Variants in SMOC2 observed in about 807,000 individuals in gnomAD.
The protein encoded by SMOC2 is SPARC-related modular calcium-binding protein 2.
A neutral mutation model predicts 61.4 loss-of-function variants in SMOC2; 39 were observed. That is an observed-to-expected ratio of 0.64 (90% CI 0.49 to 0.83). SMOC2 has a LOEUF of 0.83. Among genes scored for constraint, SMOC2 ranks in the 40% least tolerant of loss-of-function variants. The pLI, the probability that SMOC2 is intolerant of heterozygous loss-of-function variation, is 0.00. For missense variants in SMOC2, 556 were observed against 592.9 expected (o/e 0.94, Z 0.65); for synonymous variants, 247 against 239.9 (o/e 1.03, Z -0.27).
intron 9 of SMOC2, among the ~76,000 whole-genome samples, chr6:168,644,881 C>T (rs1347053379): frequency 6.6e-6 from 1 of 151,946 alleles, no homozygotes; most frequent in Non-Finnish European, 1.5e-5. Context: ...AACTCCTGAC[C>T]TCAAGTGATC....
chr6:168,630,882 C>T (rs1181928410), intron 9 of SMOC2, among the ~76,000 whole-genome samples: 1 of 152,148 alleles, frequency 6.6e-6, no homozygotes, highest in African/African-American at 2.4e-5. Context: ...AAATTCCCAC[C>T]TAATAAATTT....
At chr6:168,613,063 G>C (rs976727482) in intron 9 of SMOC2, among the ~76,000 whole-genome samples, 1 of 152,188 alleles carries the variant, frequency 6.6e-6, no homozygotes, top group Non-Finnish European at 1.5e-5. Context: ...GTATTCGAAT[G>C]AGCAGACTGG....
intron 9 of SMOC2, among the ~76,000 whole-genome samples, chr6:168,639,284 G>A (rs909338762): frequency 7.2e-5 from 11 of 152,154 alleles, no homozygotes; most frequent in East Asian, 5.8e-4. Flanking sequence ...TGTAGGACCC[G>A]ACCTTCTGTT....
chr6:168,659,617 G>T (rs1401797827), intron 11 of SMOC2, among the ~76,000 whole-genome samples: 7 of 118,364 alleles, frequency 5.9e-5, no homozygotes, highest in Non-Finnish European at 7.2e-5. Context: ...GAGGTTGTAG[G>T]CTGAGTGAGG....
intron 1 of SMOC2, among the ~76,000 whole-genome samples, chr6:168,461,764 C>T (rs1298512149): frequency 3.9e-5 from 6 of 152,212 alleles, no homozygotes; most frequent in Non-Finnish European, 7.3e-5. Context: ...GATGAGGCAG[C>T]CGTGCTAGAA....
intron 1 of SMOC2, among the ~76,000 whole-genome samples, chr6:168,462,515 G>C (rs1462575133): frequency 6.6e-6 from 1 of 151,948 alleles, no homozygotes; most frequent in Non-Finnish European, 1.5e-5. Context: ...GTGGTCCCCT[G>C]TCCTCCCAGC....
chr6:168,579,136 C>T (rs982840082), intron 7 of SMOC2, among the ~76,000 whole-genome samples: 5 of 152,234 alleles, frequency 3.3e-5, no homozygotes, highest in African/African-American at 1.2e-4. Flanking sequence ...AACCGGGTGG[C>T]CCTTATCCCC....
intron 4 of SMOC2, among the ~76,000 whole-genome samples, chr6:168,542,521 C>G (rs972197093): frequency 6.6e-6 from 1 of 152,134 alleles, no homozygotes; most frequent in African/African-American, 2.4e-5. Flanking sequence ...CGTGTAAATC[C>G]TCATTCAGCT....
intron 8 of SMOC2, among the ~76,000 whole-genome samples, chr6:168,603,090 C>T (rs1723250461): frequency 6.6e-6 from 1 of 151,098 alleles, no homozygotes; most frequent in African/African-American, 2.4e-5. Context: ...TCATGAGATC[C>T]GATGGTTTTA....
At chr6:168,472,952 G>C (rs984381243) in intron 1 of SMOC2, among the ~76,000 whole-genome samples, 1 of 152,004 alleles carries the variant, frequency 6.6e-6, no homozygotes, top group Non-Finnish European at 1.5e-5. Context: ...TGATGGATGC[G>C]TCTGTGATGC....
At chr6:168,596,508 C>T (rs1337688025) in intron 7 of SMOC2, among the ~76,000 whole-genome samples, 1 of 151,936 alleles carries the variant, frequency 6.6e-6, no homozygotes. Context: ...GAGGAATGAA[C>T]AGGTGCCATG....
intron 11 of SMOC2, 43 bp downstream of exon 11, chr6:168,653,271 C>A: frequency 6.4e-7 from 1 of 1,562,940 alleles, no homozygotes; most frequent in South Asian, 1.2e-5. Context: ...TGGTCAGGCC[C>A]TGAGGCCTGG....
chr6:168,559,095 G>A (rs888162106), intron 7 of SMOC2, among the ~76,000 whole-genome samples: 1 of 152,220 alleles, frequency 6.6e-6, no homozygotes, highest in Non-Finnish European at 1.5e-5. Flanking sequence ...TTGTGTCGTC[G>A]TGATTACAGA....
At chr6:168,534,055 G>C (rs1360851028) in intron 4 of SMOC2, among the ~76,000 whole-genome samples, 2 of 152,116 alleles carry the variant, frequency 1.3e-5, no homozygotes, top group Non-Finnish European at 2.9e-5. Flanking sequence ...AGACTGGCCT[G>C]TGCAACAAAA....
In SMOC2 at chr6:168,666,541, T is replaced by A; in HGVS notation, c.*103T>A. On this transcript the variant is annotated 3_prime_UTR_variant, in exon 13 of 13. Transcript: ENST00000356284. ...AGAAACACATAGTATTTGCACTTTG[T>A]ACTTTAAATGTAAATTCACTTTGTA... is the stretch of plus-strand genomic sequence containing the variant. 2 of 1,242,072 alleles carry A rather than the reference T, an allele frequency of 1.6e-6. No individual in the cohort carries two copies. The highest frequency in any genetic ancestry group is 2.3e-6 in the Non-Finnish European group (2 of 853,758). The allele number at this position is 1,242,072 out of a possible 1,614,324, so 76.9% of individuals were successfully genotyped here.
intron 1 of SMOC2, among the ~76,000 whole-genome samples, chr6:168,483,107 G>A (rs1782246676): frequency 6.6e-6 from 1 of 151,886 alleles, no homozygotes; most frequent in Admixed American, 6.6e-5. Flanking sequence ...ATACACATTG[G>A]AAAGGGAGAA....
intron 7 of SMOC2, among the ~76,000 whole-genome samples, chr6:168,578,757 C>T (rs1784861673): frequency 6.6e-6 from 1 of 152,196 alleles, no homozygotes; most frequent in African/African-American, 2.4e-5. Context: ...TGAGTTCTGG[C>T]TCAGCAAAAG....
chr6:168,480,338 C>A (rs117623212), intron 1 of SMOC2, among the ~76,000 whole-genome samples: 1 of 151,604 alleles, frequency 6.6e-6, no homozygotes, highest in East Asian at 1.9e-4. Flanking sequence ...CCTGTCTTAA[C>A]GATGCTCAAA....
intron 7 of SMOC2, among the ~76,000 whole-genome samples, chr6:168,596,450 A>G (rs1785338283): frequency 7.1e-6 from 1 of 140,550 alleles, no homozygotes; most frequent in African/African-American, 2.9e-5. Context: ...GGCATGAGCA[A>G]GCGCCACGTG....
Sources: gnomAD v4.1 joint callset for allele counts (sites outside exome capture counted in the v4.1 genomes callset) on GRCh38, gnomAD v4.1.1 for gene constraint, MANE v1.5 for transcripts, NCBI Gene and HGNC (gene_info 2026-07-23, HGNC 2026-07-21) for gene names.